KIAA1217: variants seen among roughly 807,000 people sequenced by gnomAD.
KIAA1217 encodes KIAA1217.
In KIAA1217, 88 loss-of-function variants were observed where a neutral mutation model predicts 163.9. The ratio of observed to expected loss-of-function variants is 0.54; its 90% CI spans 0.45 to 0.64. The LOEUF (loss-of-function observed/expected upper bound fraction) is 0.64, where lower values mean the gene tolerates loss of function less well. KIAA1217 is among the 30% of genes least tolerant of loss of function. KIAA1217 has a pLI of 0.00. For synonymous variants in KIAA1217, 903 were observed against 923.1 expected, an observed-to-expected ratio of 0.98 and a Z score of 0.39; for missense variants, 2,372 against 2,475.0, an observed-to-expected ratio of 0.96 and a Z score of 0.88.
At chr10:24,184,638 C>T (rs1021200250) in intron 2 of KIAA1217, among the ~76,000 whole-genome samples, 1 of 152,228 alleles carries the variant, frequency 6.6e-6, no homozygotes, top group Non-Finnish European at 1.5e-5. Context: ...GCACTGATTG[C>T]TGTCCAGCAG....
intron 1 of KIAA1217, among the ~76,000 whole-genome samples, chr10:23,718,361 G>C (rs183647388): frequency 1.3e-4 from 20 of 152,200 alleles, no homozygotes; most frequent in Admixed American, 7.2e-4. Flanking sequence ...TTATAGAATA[G>C]CAGAAATATT....
At chr10:24,292,276 A>G (rs1362178415) in intron 2 of KIAA1217, among the ~76,000 whole-genome samples, 1 of 152,226 alleles carries the variant, frequency 6.6e-6, no homozygotes, top group Non-Finnish European at 1.5e-5. Flanking sequence ...GGAAAACTCC[A>G]AAAGACTGAC....
rs1589444422 is a variant in KIAA1217 at position 24,087,908 on chromosome 10, CT to C, written c.-171+80535del. On this transcript the variant is annotated intron_variant, in intron 2 of 18. Transcript: ENST00000376462. ...ATTTTCTCTTTATGCCAGATCAGAG[CT>C]GTGGTGGCCTCCCAAGCCTTCCCAT... 1.5e-3 allele frequency among the ~76,000 whole-genome samples: 192 copies of C among 132,254 alleles called. 20 individuals are homozygous for C. Among genetic ancestry groups the C allele is most frequent in the Middle Eastern group, 4.0e-3 (1 of 250 alleles). 86.8% of individuals were successfully genotyped at this position (132,254 alleles called of 152,430 possible).
chr10:24,502,423 A>T (rs533861071), intron 9 of KIAA1217, among the ~76,000 whole-genome samples: 1 of 152,200 alleles, frequency 6.6e-6, no homozygotes, highest in Admixed American at 6.5e-5. Flanking sequence ...TCCATTGTTA[A>T]GGAATATATA....
intron 1 of KIAA1217, among the ~76,000 whole-genome samples, chr10:23,843,527 A>T (rs1328144149): frequency 6.6e-6 from 1 of 152,060 alleles, no homozygotes; most frequent in Admixed American, 6.6e-5. Context: ...GTGCTCTTTA[A>T]CATCTTACCA....
At chr10:24,177,273 ATATATATATATATATATATATATATT>A (rs1203433441) in intron 2 of KIAA1217, among the ~76,000 whole-genome samples, 4 of 96,868 alleles carry the variant, frequency 4.1e-5, no homozygotes, top group East Asian at 2.7e-4. Context: ...ATATATATAT[ATATATATATATATATATATATATATT>A]ACAATTTCTT....
intron 5 of KIAA1217, among the ~76,000 whole-genome samples, chr10:24,459,219 G>A (rs1260983626): frequency 2.0e-5 from 3 of 152,240 alleles, no homozygotes; most frequent in East Asian, 3.9e-4. Context: ...CTTAGTTCCT[G>A]CCTGGAATAC....
chr10:24,538,731 G>GTTTTTT (rs1564894700), intron 17 of KIAA1217, among the ~76,000 whole-genome samples: 1 of 95,532 alleles, frequency 1.0e-5, no homozygotes, highest in Non-Finnish European at 2.2e-5. Context: ...TATTGTTTTT[G>GTTTTTT]GTTTTTTTTT....
At chr10:24,161,249 A>T (rs148612966) in intron 2 of KIAA1217, among the ~76,000 whole-genome samples, 6 of 152,362 alleles carry the variant, frequency 3.9e-5, no homozygotes, top group African/African-American at 1.4e-4. Context: ...TGTTAAGAAC[A>T]GAGAGCAAGT....
At chr10:24,319,932 C>A (rs2043920493) in intron 2 of KIAA1217, among the ~76,000 whole-genome samples, 1 of 152,176 alleles carries the variant, frequency 6.6e-6, no homozygotes, top group Non-Finnish European at 1.5e-5. Context: ...GAAAATGTTT[C>A]CATGAGATAA....
intron 1 of KIAA1217, among the ~76,000 whole-genome samples, chr10:23,949,800 A>C (rs550768809): frequency 1.8e-3 from 279 of 152,320 alleles, no homozygotes; most frequent in Non-Finnish European, 3.0e-3. Context: ...CTTCTTTGTA[A>C]TTAAATGCTC....
chr10:24,226,355 G>A (rs11599459), intron 2 of KIAA1217, among the ~76,000 whole-genome samples: 35,156 of 151,952 alleles, frequency 0.23, 4,157 homozygotes, highest in Middle Eastern at 0.29. Flanking sequence ...GACTGGGTGC[G>A]GTGGCTCACG....
In KIAA1217 at chr10:23,958,593, C is replaced by T. The variant is rs931368632; in HGVS notation, c.-320-48632C>T. Among the ~76,000 whole-genome samples the T allele has an allele frequency of 2.0e-5, 3 of 152,124 alleles. No individual in the cohort carries two copies. In the East Asian group the frequency reaches 5.8e-4, roughly 29 times the overall value. On this transcript the variant is annotated intron_variant, in intron 1 of 18. Transcript: ENST00000376462. ...TATCAATTTGTTGAGAAAAACGTGA[C>T]TTTTCCCCTGTGAACAATTCATTCT...
chr10:24,443,570 G>C (rs376938988), intron 5 of KIAA1217, among the ~76,000 whole-genome samples: 1 of 151,786 alleles, frequency 6.6e-6, no homozygotes, highest in East Asian at 1.9e-4. Flanking sequence ...AAAAAAAAGT[G>C]GGGGAGGGAG....
At position 24,078,451 on chromosome 10, in the gene KIAA1217, T is replaced by C. The variant is rs150031670; in HGVS notation, c.-171+71077T>C. Among the ~76,000 whole-genome samples the C allele has an allele frequency of 4.4e-3, 672 of 152,300 alleles. 8 individuals carry two copies. The highest frequency in any genetic ancestry group is 0.016 in the African/African-American group (654 of 41,556). On this transcript the variant is annotated intron_variant, in intron 2 of 18. Transcript: ENST00000376462. ...TTCCAGGATTTCTCCCCAGCAAAGA[T>C]AAAATCCATTAGCTTTACACGGCAC...
At chr10:23,994,006 T>C (rs1846347708) in intron 1 of KIAA1217, among the ~76,000 whole-genome samples, 2 of 152,114 alleles carry the variant, frequency 1.3e-5, no homozygotes, top group South Asian at 4.1e-4. Context: ...CCTTCGCATT[T>C]CTCCTGATGC....
intron 10 of KIAA1217, among the ~76,000 whole-genome samples, chr10:24,517,776 C>A (rs896031633): frequency 1.3e-5 from 2 of 152,188 alleles, no homozygotes; most frequent in Non-Finnish European, 2.9e-5. Context: ...GGGTAGATCA[C>A]TTGAGGTCAG....
intron 2 of KIAA1217, among the ~76,000 whole-genome samples, chr10:24,061,348 A>G (rs2060714680): frequency 6.6e-6 from 1 of 152,312 alleles, no homozygotes; most frequent in Non-Finnish European, 1.5e-5. Context: ...TTGTATATCC[A>G]TTAACATATT....
chr10:24,255,601 A>G (rs766962384), intron 2 of KIAA1217: 13 of 449,840 alleles, frequency 2.9e-5, no homozygotes, highest in South Asian at 1.7e-4. Flanking sequence ...AGCAAGGTAC[A>G]GGAGTGGCCT....
Sources: allele counts gnomAD v4.1 joint callset (sites outside exome capture counted in the v4.1 genomes callset), GRCh38; gene constraint gnomAD v4.1.1; transcripts MANE v1.5; gene names NCBI Gene and HGNC (gene_info 2026-07-23, HGNC 2026-07-21).